Variants in QRFPR observed in about 807,000 individuals in gnomAD.
The protein encoded by QRFPR is pyroglutamylated RF-amide peptide receptor.
A neutral mutation model predicts 31.3 loss-of-function variants in QRFPR; 37 were observed. The observed-to-expected ratio is 1.18, with a 90% CI of 0.91 to 1.56. The LOEUF (loss-of-function observed/expected upper bound fraction) is 1.56, where lower values mean the gene tolerates loss of function less well. Ranked by LOEUF, QRFPR falls within the 40% of genes most tolerant of loss-of-function variation. The pLI is 0.00. For synonymous variants in QRFPR, 197 were observed against 192.0 expected (o/e 1.03, Z -0.22); for missense variants, 542 against 532.5 (o/e 1.02, Z -0.18).
At chr4:121,361,032 G>A (rs1725979620) in intron 1 of QRFPR, among the ~76,000 whole-genome samples, 2 of 152,096 alleles carry the variant, frequency 1.3e-5, no homozygotes, top group South Asian at 4.1e-4. Context: ...ATGAACAAAT[G>A]ACAAAAATGC....
chr4:121,357,438 C>G (rs756809793), intron 1 of QRFPR, among the ~76,000 whole-genome samples: 1 of 152,024 alleles, frequency 6.6e-6, no homozygotes, highest in African/African-American at 2.4e-5. Context: ...AATTTAAAGC[C>G]GTAACCAGGA....
chr4:121,377,411 A>T (rs998368658), intron 1 of QRFPR, among the ~76,000 whole-genome samples: 3 of 105,784 alleles, frequency 2.8e-5, no homozygotes, highest in African/African-American at 3.2e-5. Context: ...ATATATATAT[A>T]TATTTTTTTT....
chr4:121,373,484 A>C (rs1027009842), intron 1 of QRFPR, among the ~76,000 whole-genome samples: 2 of 152,208 alleles, frequency 1.3e-5, no homozygotes, highest in Non-Finnish European at 2.9e-5. Context: ...CATCTTTTTT[A>C]ATACTTCCTT....
chr4:121,370,506 A>G (rs1452920417), intron 1 of QRFPR, among the ~76,000 whole-genome samples: 1 of 152,222 alleles, frequency 6.6e-6, no homozygotes, highest in Non-Finnish European at 1.5e-5. Flanking sequence ...AGGTTCTGCT[A>G]TCCTGCTGCC....
At chr4:121,341,086 A>G (rs2110470567) in intron 1 of QRFPR, among the ~76,000 whole-genome samples, 1 of 152,314 alleles carries the variant, frequency 6.6e-6, no homozygotes, top group South Asian at 2.1e-4. Context: ...GACTTTATAT[A>G]TGTATTACAC....
chr4:121,376,823 T>C (rs1726362878), intron 1 of QRFPR, among the ~76,000 whole-genome samples: 1 of 117,964 alleles, frequency 8.5e-6, no homozygotes, highest in Admixed American at 8.3e-5. Context: ...CTACTTCAAG[T>C]AGTACTTAAC....
chr4:121,334,716 T>C, intron 3 of QRFPR: 1 of 278,042 alleles, frequency 3.6e-6, no homozygotes, highest in Non-Finnish European at 7.4e-6. Context: ...ATTTTAACCG[T>C]CTCGTTGCTT....
At chr4:121,365,500 A>AAT (rs760286639) in intron 1 of QRFPR, among the ~76,000 whole-genome samples, 877 of 2,706 alleles carry the variant, frequency 0.32, 117 homozygotes, top group East Asian at 0.4. Context: ...TTATATATAT[A>AAT]ATATATATAA....
At position 121,352,747 on chromosome 4, in the gene QRFPR, G is replaced by A. The variant is rs186684016; in HGVS notation, c.341-12137C>T. Among the ~76,000 whole-genome samples, 18 of 151,854 alleles carry A rather than the reference G, an allele frequency of 1.2e-4. No individual in the cohort carries two copies. In the South Asian group the frequency reaches 1.5e-3, roughly 12 times the overall value. Reference sequence around the variant, plus strand: ...GGAACATTCCAATTCCACTCTTTTCGTTATTTTAAAATATACAATAAATTA... The same window carrying A: ...GGAACATTCCAATTCCACTCTTTTCATTATTTTAAAATATACAATAAATTA... On this transcript the variant is annotated intron_variant, in intron 1 of 5. Transcript: ENST00000394427.
At chr4:121,332,320 A>T (rs1725342738) in intron 4 of QRFPR, among the ~76,000 whole-genome samples, 1 of 152,248 alleles carries the variant, frequency 6.6e-6, no homozygotes, top group African/African-American at 2.4e-5. Flanking sequence ...ACTCAATAAT[A>T]ATAATTTAAA....
At chr4:121,374,219 C>A (rs1726307185) in intron 1 of QRFPR, among the ~76,000 whole-genome samples, 1 of 152,188 alleles carries the variant, frequency 6.6e-6, no homozygotes, top group South Asian at 2.1e-4. Context: ...ACGCAATAGG[C>A]TGCAGAAAAC....
chr4:121,353,529 T>A (rs941137217), intron 1 of QRFPR, among the ~76,000 whole-genome samples: 7 of 152,150 alleles, frequency 4.6e-5, no homozygotes, highest in Non-Finnish European at 8.8e-5. Flanking sequence ...TTGAGAAATA[T>A]CTATTCAGAT....
intron 3 of QRFPR, chr4:121,334,684 T>G (rs1236678912): frequency 3.0e-6 from 1 of 330,552 alleles, no homozygotes; most frequent in Non-Finnish European, 6.0e-6. Flanking sequence ...TTTCATACAG[T>G]AAGGAGGCAG....
intron 1 of QRFPR, among the ~76,000 whole-genome samples, chr4:121,356,062 A>G (rs1048691140): frequency 2.6e-5 from 4 of 152,128 alleles, no homozygotes; most frequent in South Asian, 2.1e-4. Flanking sequence ...CTGTAAATAT[A>G]TATTAGATCC....
rs558557142 is a variant in QRFPR, at chr4:121,374,245, G to C, written c.340+6063C>G. On this transcript the variant is annotated intron_variant, in intron 1 of 5. Coordinates refer to ENST00000394427, the MANE Select transcript of QRFPR (RefSeq NM_198179.3). ...TGCAGAAAACGGAAGAATTGCCTCTGAGCTCCTTGTTGGACTCCAGTTAAT... is the reference window on the plus strand; with the variant it reads ...TGCAGAAAACGGAAGAATTGCCTCTCAGCTCCTTGTTGGACTCCAGTTAAT... 8.7e-4 allele frequency among the ~76,000 whole-genome samples: 132 copies of C among 152,290 alleles called. 1 individual carries two copies. Among genetic ancestry groups the C allele is most frequent in the African/African-American group, 3.0e-3 (123 of 41,556 alleles).
intron 1 of QRFPR, among the ~76,000 whole-genome samples, chr4:121,343,424 C>T (rs1725582251): frequency 6.6e-6 from 1 of 152,192 alleles, no homozygotes; most frequent in African/African-American, 2.4e-5. Context: ...ACTTCTATTC[C>T]TTGTTACAAT....
intron 1 of QRFPR, among the ~76,000 whole-genome samples, chr4:121,373,678 T>C (rs1048355312): frequency 1.3e-5 from 2 of 152,324 alleles, no homozygotes; most frequent in African/African-American, 2.4e-5. Flanking sequence ...TAGTCACTGA[T>C]TGAATAATAA....
At chr4:121,336,178 G>A (rs1317451312) in intron 3 of QRFPR, among the ~76,000 whole-genome samples, 1 of 152,134 alleles carries the variant, frequency 6.6e-6, no homozygotes, top group African/African-American at 2.4e-5. Flanking sequence ...GAAAACTCCT[G>A]TCTGGGTAGA....
rs373509770 is a variant in QRFPR, at chr4:121,337,345, C to T, written c.500-477G>A. On this transcript the variant is annotated intron_variant, in intron 2 of 5. Transcript: ENST00000394427. ...TCAGAAATCACCTTCTCTAGGGAAA[C>T]TTTGAAGGTCACTACTATTTCCAAA... Among the ~76,000 whole-genome samples the T allele has an allele frequency of 6.6e-5, 10 of 152,198 alleles. 1 individual carries two copies. Among genetic ancestry groups the T allele is most frequent in the African/African-American group, 2.2e-4 (9 of 41,438 alleles).
Sources: allele counts gnomAD v4.1 joint callset (sites outside exome capture counted in the v4.1 genomes callset), GRCh38; gene constraint gnomAD v4.1.1; transcripts MANE v1.5; gene names NCBI Gene and HGNC (gene_info 2026-07-23, HGNC 2026-07-21).